Variants in FSTL5 observed in about 807,000 individuals in gnomAD.
FSTL5 encodes follistatin-related protein 5.
In FSTL5, 62 loss-of-function variants were observed where a neutral mutation model predicts 89.1. The ratio of observed to expected loss-of-function variants is 0.70; its 90% CI spans 0.57 to 0.86. FSTL5 has a LOEUF of 0.86. Among genes scored for constraint, FSTL5 ranks in the 40% least tolerant of loss-of-function variants. The pLI is 0.00. For missense variants in FSTL5, 1,057 were observed against 1,001.6 expected (o/e 1.06, Z -0.75); for synonymous variants, 383 against 346.2 (o/e 1.11, Z -1.18).
chr4:161,864,417 G>C (rs935470805), intron 4 of FSTL5, among the ~76,000 whole-genome samples: 1 of 152,126 alleles, frequency 6.6e-6, no homozygotes, highest in African/African-American at 2.4e-5. Context: ...AACCTCACAG[G>C]TTGTTGTGAG....
chr4:161,832,848 T>A (rs1730894365), intron 4 of FSTL5, among the ~76,000 whole-genome samples: 1 of 150,688 alleles, frequency 6.6e-6, no homozygotes, highest in Non-Finnish European at 1.5e-5. Context: ...GATTCATTAA[T>A]TTTTTGAAGG....
chr4:161,659,195 T>G (rs1736625797), intron 6 of FSTL5, among the ~76,000 whole-genome samples: 1 of 152,194 alleles, frequency 6.6e-6, no homozygotes, highest in East Asian at 1.9e-4. Context: ...TGGCTACATT[T>G]TAAAATGACT....
chr4:161,878,609 A>G (rs975156889), intron 4 of FSTL5, among the ~76,000 whole-genome samples: 2 of 152,084 alleles, frequency 1.3e-5, no homozygotes, highest in African/African-American at 4.8e-5. Context: ...ACAACGTTAG[A>G]ATTGTGAAAT....
chr4:161,395,200 G>T (rs1380532799), intron 15 of FSTL5, among the ~76,000 whole-genome samples: 1 of 152,022 alleles, frequency 6.6e-6, no homozygotes, highest in East Asian at 1.9e-4. Context: ...ATTAGAAATT[G>T]CAAACATAGG....
chr4:162,041,202 TAAAAA>T (rs5863513), intron 2 of FSTL5, among the ~76,000 whole-genome samples: 1 of 97,772 alleles, frequency 1.0e-5, no homozygotes, highest in Admixed American at 1.1e-4. Context: ...GATGAGATGG[TAAAAA>T]AAAAAAAAAA....
intron 2 of FSTL5, among the ~76,000 whole-genome samples, chr4:162,088,201 G>T (rs1730398129): frequency 6.9e-6 from 1 of 144,574 alleles, no homozygotes; most frequent in African/African-American, 2.5e-5. Context: ...ATCAAATGTG[G>T]CAAATTGTGA....
chr4:161,833,312 A>C (rs1278339401), intron 4 of FSTL5, among the ~76,000 whole-genome samples: 4 of 151,756 alleles, frequency 2.6e-5, no homozygotes, highest in African/African-American at 9.7e-5. Context: ...TATGTGGTCA[A>C]TTTTGGAATA....
intron 6 of FSTL5, among the ~76,000 whole-genome samples, chr4:161,725,711 G>A (rs949860559): frequency 6.6e-6 from 1 of 152,038 alleles, no homozygotes; most frequent in African/African-American, 2.4e-5. Flanking sequence ...GATATTCAAG[G>A]AGAAAGACCA....
intron 15 of FSTL5, among the ~76,000 whole-genome samples, chr4:161,389,955 C>T (rs2110872220): frequency 6.6e-6 from 1 of 152,188 alleles, no homozygotes; most frequent in South Asian, 2.1e-4. Context: ...TAGTGTTACC[C>T]AAGTGTGGCT....
At chr4:161,502,945 T>A (rs780477697) in intron 11 of FSTL5, among the ~76,000 whole-genome samples, 75 of 151,688 alleles carry the variant, frequency 4.9e-4, no homozygotes, top group Non-Finnish European at 7.8e-4. Flanking sequence ...TTTGTATAGA[T>A]TTTTACTAAC....
intron 5 of FSTL5, among the ~76,000 whole-genome samples, chr4:161,771,451 G>C (rs1003933747): frequency 6.6e-6 from 1 of 151,952 alleles, no homozygotes; most frequent in Admixed American, 6.6e-5. Flanking sequence ...TAAGTAAATA[G>C]CCATCCTACT....
intron 8 of FSTL5, among the ~76,000 whole-genome samples, chr4:161,561,327 G>A (rs536867027): frequency 1.6e-4 from 25 of 152,096 alleles, no homozygotes; most frequent in African/African-American, 6.0e-4. Flanking sequence ...TTATCTTCCT[G>A]TCTGATTTTG....
chr4:161,495,047 G>C (rs1413745826), intron 12 of FSTL5: 2 of 152,230 alleles, frequency 1.3e-5, no homozygotes, highest in African/African-American at 4.8e-5. Flanking sequence ...GGGCGAATGA[G>C]TGAGATCCTG....
At chr4:161,698,649 CCAGGCGCAGTGGCT>C (rs1407779382) in intron 6 of FSTL5, among the ~76,000 whole-genome samples, 4 of 152,154 alleles carry the variant, frequency 2.6e-5, no homozygotes, top group African/African-American at 9.7e-5. Flanking sequence ...GAGGAGAAGG[CCAGGCGCAGTGGCT>C]CACGCCTGTA....
chr4:161,426,472 G>C (rs1489997446), intron 15 of FSTL5, among the ~76,000 whole-genome samples: 2 of 152,218 alleles, frequency 1.3e-5, no homozygotes, highest in Non-Finnish European at 2.9e-5. Flanking sequence ...ACAAAAGACA[G>C]AGCTTGTAAG....
chr4:161,538,394 T>A lies in FSTL5; in HGVS notation c.1178-94A>T. On this transcript the variant is annotated intron_variant, in intron 9 of 15. Coordinates refer to ENST00000306100, the MANE Select transcript of FSTL5 (RefSeq NM_020116.5). The stretch of plus-strand genomic sequence containing the variant: ...ACAGTCAAACAGTTCTCTTGGCTTG[T>A]CCTAATTAAACTGTTTCCCTTCCTA... 3 of 1,376,444 alleles carry A rather than the reference T, an allele frequency of 2.2e-6. No individual in the cohort carries two copies. The South Asian group carries it at 3.7e-5, about 17-fold the overall frequency. The allele number at this position is 1,376,444 out of a possible 1,614,324, so 85.3% of individuals were successfully genotyped here.
At chr4:161,587,365 C>A in intron 8 of FSTL5, 90 bp downstream of exon 8, 1 of 1,187,436 alleles carries the variant, frequency 8.4e-7, no homozygotes. Context: ...ATTATTAGTA[C>A]CTTGTAAAAA....
intron 3 of FSTL5, among the ~76,000 whole-genome samples, chr4:161,990,890 G>A (rs1736092428): frequency 6.6e-6 from 1 of 152,082 alleles, no homozygotes; most frequent in African/African-American, 2.4e-5. Context: ...ACTCTCTCTA[G>A]TTAGGTGTTG....
chr4:161,559,380 CTCTT>C (rs1489927667), intron 8 of FSTL5, among the ~76,000 whole-genome samples: 1 of 151,690 alleles, frequency 6.6e-6, no homozygotes, highest in Non-Finnish European at 1.5e-5. Flanking sequence ...TATTTCTTCT[CTCTT>C]TCCTCTTCTT....
Sources: gnomAD v4.1 joint callset for allele counts (sites outside exome capture counted in the v4.1 genomes callset) on GRCh38, gnomAD v4.1.1 for gene constraint, MANE v1.5 for transcripts, NCBI Gene and HGNC (gene_info 2026-07-23, HGNC 2026-07-21) for gene names.